Variants in PEBP4 observed in about 807,000 individuals in gnomAD.
PEBP4 encodes the protein phosphatidylethanolamine-binding protein 4.
PEBP4 carries 22 observed loss-of-function variants against 23.9 expected under a neutral mutation model. That is an observed-to-expected ratio of 0.92 (90% CI 0.66 to 1.31). PEBP4 has a LOEUF of 1.31. PEBP4 is among the 40% of genes most tolerant of loss of function. The pLI, the probability that PEBP4 is intolerant of heterozygous loss-of-function variation, is 0.00. For missense variants in PEBP4, 324 were observed against 281.7 expected (o/e 1.15, Z -1.07); for synonymous variants, 112 against 99.3 (o/e 1.13, Z -0.76).
At chr8:22,740,618 G>A (rs1804968764) in intron 4 of PEBP4, among the ~76,000 whole-genome samples, 1 of 152,146 alleles carries the variant, frequency 6.6e-6, no homozygotes, top group South Asian at 2.1e-4. Flanking sequence ...ATCTGTAGTG[G>A]CAGCTGTGGT....
chr8:22,926,609 G>A (rs963427305), intron 2 of PEBP4, among the ~76,000 whole-genome samples: 3 of 152,154 alleles, frequency 2.0e-5, no homozygotes, highest in Non-Finnish European at 4.4e-5. Context: ...GCCTCCCAAA[G>A]TGCTGGGATT....
intron 4 of PEBP4, among the ~76,000 whole-genome samples, chr8:22,769,984 G>A (rs1805685408): frequency 2.0e-5 from 3 of 152,018 alleles, no homozygotes; most frequent in South Asian, 4.2e-4. Context: ...CTGCCCTCAG[G>A]GCCCCTGACT....
intron 3 of PEBP4, among the ~76,000 whole-genome samples, chr8:22,908,114 G>T (rs1808853906): frequency 6.6e-6 from 1 of 152,226 alleles, no homozygotes; most frequent in African/African-American, 2.4e-5. Context: ...TGAAGATGGA[G>T]CAGGCTGGGG....
At chr8:22,929,565 G>C (rs1420474093), upstream of PEBP4, among the ~76,000 whole-genome samples, 1 of 152,204 alleles carries the variant, frequency 6.6e-6, no homozygotes, top group African/African-American at 2.4e-5. Flanking sequence ...TTGGAAATAG[G>C]CACTATTATC....
intron 4 of PEBP4, among the ~76,000 whole-genome samples, chr8:22,731,778 C>T (rs1403989874): frequency 6.6e-6 from 1 of 151,808 alleles, no homozygotes; most frequent in Non-Finnish European, 1.5e-5. Flanking sequence ...CCTGCCTCAG[C>T]CTCCCGAGTA....
rs180921853 is a variant in PEBP4, at chr8:22,926,920, T to C, written c.131+664A>G. 4.9e-4 allele frequency among the ~76,000 whole-genome samples: 75 copies of C among 152,302 alleles called. No individual in the cohort carries two copies. The East Asian group carries it at 0.014, about 29-fold the overall frequency. ...CTGGCAGGGAGGTTTGGCATCAGTT[T>C]GGCCTGGGGAGTCCTCAGGATGACC... On this transcript the variant is annotated intron_variant, in intron 2 of 6. Coordinates refer to ENST00000256404, the MANE Select transcript of PEBP4 (RefSeq NM_144962.3).
At chr8:22,755,757 G>A (rs1225484322) in intron 4 of PEBP4, 1 of 152,108 alleles carries the variant, frequency 6.6e-6, no homozygotes, top group Non-Finnish European at 1.5e-5. Flanking sequence ...ACATCAGCAA[G>A]CAAACTGGCC....
chr8:22,927,509 T>C (rs924151577), intron 2 of PEBP4, 75 bp downstream of exon 2: 5 of 1,515,780 alleles, frequency 3.3e-6, no homozygotes, highest in Non-Finnish European at 4.4e-6. Context: ...TTCTTGGTTC[T>C]GGATATACCC....
intron 6 of PEBP4, among the ~76,000 whole-genome samples, chr8:22,719,147 G>C (rs537355365): frequency 5.3e-5 from 8 of 152,314 alleles, no homozygotes; most frequent in South Asian, 2.1e-4. Context: ...CTAGGGAGCG[G>C]CTTATGGCTG....
intron 6 of PEBP4, among the ~76,000 whole-genome samples, chr8:22,716,207 G>T (rs1358166425): frequency 6.6e-6 from 1 of 152,202 alleles, no homozygotes; most frequent in African/African-American, 2.4e-5. Context: ...CTCAGGACAG[G>T]GCTGCCACAT....
chr8:22,736,239 CG>C (rs1483466428), intron 4 of PEBP4, among the ~76,000 whole-genome samples: 5 of 151,992 alleles, frequency 3.3e-5, no homozygotes, highest in Admixed American at 2.0e-4. Context: ...GATGGGGTTC[CG>C]GGGTGGGGTT....
intron 4 of PEBP4, among the ~76,000 whole-genome samples, chr8:22,755,306 G>T (rs931995662): frequency 6.8e-6 from 1 of 146,480 alleles, no homozygotes; most frequent in Non-Finnish European, 1.5e-5. Context: ...GGCCAAAATC[G>T]TATACTCATT....
At chr8:22,911,139 A>C (rs928084865) in intron 3 of PEBP4, among the ~76,000 whole-genome samples, 8 of 151,934 alleles carry the variant, frequency 5.3e-5, no homozygotes, top group African/African-American at 1.7e-4. Context: ...TAAATAAATA[A>C]TTTTCCCTGA....
rs943608071 is a variant in PEBP4 at position 22,809,221 on chromosome 8, G to A, written c.357+8416C>T. Among the ~76,000 whole-genome samples the A allele has an allele frequency of 1.2e-4, 19 of 152,150 alleles. 1 individual carries two copies. The highest frequency in any genetic ancestry group is 2.6e-4 in the Admixed American group (4 of 15,280). On this transcript the variant is annotated intron_variant, in intron 4 of 6. Transcript: ENST00000256404. ...AAATCCTCAACATTCCTGCGAGGTC[G>A]ACTTTAGTTTCCTCTTATACAGACG...
intron 4 of PEBP4, among the ~76,000 whole-genome samples, chr8:22,731,562 G>A (rs1316872338): frequency 6.6e-6 from 1 of 152,098 alleles, no homozygotes; most frequent in African/African-American, 2.4e-5. Context: ...AGAGTCCAAA[G>A]TTGTAGTTGG....
upstream of PEBP4, among the ~76,000 whole-genome samples, chr8:22,930,099 A>G (rs1037464238): frequency 5.3e-5 from 8 of 152,038 alleles, no homozygotes; most frequent in Non-Finnish European, 8.8e-5. Flanking sequence ...CTCTTGGGAG[A>G]AGGACCCAGA....
chr8:22,763,666 C>T (rs1219168516), intron 4 of PEBP4, among the ~76,000 whole-genome samples: 1 of 152,152 alleles, frequency 6.6e-6, no homozygotes, highest in Non-Finnish European at 1.5e-5. Context: ...GCCCAGCCTA[C>T]TAGGCTAATT....
intron 3 of PEBP4, among the ~76,000 whole-genome samples, chr8:22,910,018 T>C (rs1246586367): frequency 1.3e-5 from 2 of 152,210 alleles, no homozygotes; most frequent in Non-Finnish European, 2.9e-5. Flanking sequence ...AGCAAACTAA[T>C]GTCCGCCAGG....
intron 4 of PEBP4, chr8:22,814,990 C>T (rs1323603674): frequency 6.6e-6 from 1 of 152,006 alleles, no homozygotes; most frequent in African/African-American, 2.4e-5. Flanking sequence ...GTGATGTGAA[C>T]TCAGGCCACA....
Sources: gnomAD v4.1 joint callset for allele counts (sites outside exome capture counted in the v4.1 genomes callset) on GRCh38, gnomAD v4.1.1 for gene constraint, MANE v1.5 for transcripts, NCBI Gene and HGNC (gene_info 2026-07-23, HGNC 2026-07-21) for gene names.